Variants in YTHDF1 observed in about 807,000 individuals in gnomAD.
The protein encoded by YTHDF1 is YTH domain-containing family protein 1.
In YTHDF1, 16 loss-of-function variants were observed where a neutral mutation model predicts 49.1. That is an observed-to-expected ratio of 0.33 (90% CI 0.22 to 0.49). YTHDF1 has a LOEUF of 0.49. Among genes scored for constraint, YTHDF1 ranks in the 20% least tolerant of loss-of-function variants. The probability of loss-of-function intolerance (pLI) is 0.99; values close to 1 mark genes in which losing one functional copy is unlikely to be tolerated. For missense variants in YTHDF1, 621 were observed against 744.3 expected (o/e 0.83, Z 1.93); for synonymous variants, 313 against 290.1 (o/e 1.08, Z -0.80).
In YTHDF1 at chr20:63,202,590, G is replaced by A. The variant is rs746445691; in HGVS notation, c.1350C>T (p.Ala450=). 8 of 1,614,092 alleles carry A rather than the reference G, an allele frequency of 5.0e-6. No individual in the cohort carries two copies. The East Asian group carries it at 6.7e-5, about 13-fold the overall frequency. ...CGTAGTCCACGGGGGACTTCATCTC[G>A]GCCACCCCACAAAAATGCCCACTCC... ...VNGSGHFCGV[A]EMKSPVDYGT... Residue 450 remains alanine, a synonymous_variant, in exon 4 of 5, where the codon GCC becomes GCT. Coordinates refer to ENST00000370339, the MANE Select transcript of YTHDF1 (RefSeq NM_017798.4).
Position 63,215,908 on chromosome 20 carries a change from A to C in YTHDF1, c.-16T>G. 7.1e-7 allele frequency: 1 copy of C among 1,404,826 alleles called. No individual in the cohort carries two copies. The highest frequency in any genetic ancestry group is 9.3e-7 in the Non-Finnish European group (1 of 1,074,536). 87.0% of individuals were successfully genotyped at this position (1,404,826 alleles called of 1,614,324 possible). A position where few individuals can be genotyped will look rare whatever the true frequency, so the allele number is the denominator to read the frequency against. On this transcript the variant is annotated 5_prime_UTR_variant, in exon 1 of 5. Coordinates refer to ENST00000370339, the MANE Select transcript of YTHDF1 (RefSeq NM_017798.4). ...TGGCCGACATGCTTCATGAACAACTAGACGCGGGGCCGGGGCGCCCGCCGG... is the reference window on the plus strand; with the variant it reads ...TGGCCGACATGCTTCATGAACAACTCGACGCGGGGCCGGGGCGCCCGCCGG...
chr20:63,204,908 T>A (rs2066538571), intron 3 of YTHDF1, among the ~76,000 whole-genome samples: 1 of 151,948 alleles, frequency 6.6e-6, no homozygotes, highest in African/African-American at 2.4e-5. Flanking sequence ...TGTATGTGTG[T>A]GCGCACACAC....
chr20:63,197,632 T>C (rs892692112), intron 4 of YTHDF1, among the ~76,000 whole-genome samples: 2 of 152,084 alleles, frequency 1.3e-5, no homozygotes, highest in African/African-American at 4.8e-5. Context: ...TAATCCCAGC[T>C]ATTCGGGAGG....
At chr20:63,209,406 T>G (rs2066563390) in intron 3 of YTHDF1, among the ~76,000 whole-genome samples, 1 of 152,268 alleles carries the variant, frequency 6.6e-6, no homozygotes, top group South Asian at 2.1e-4. Flanking sequence ...AAAAATTTTT[T>G]TTGTTATATC....
rs781114191 is a variant in YTHDF1 at position 63,203,059 on chromosome 20, G to A, written c.881C>T (p.Ala294Val). 26 of 1,605,852 alleles carry A rather than the reference G, an allele frequency of 1.6e-5. No homozygotes were observed. Among genetic ancestry groups the A allele is most frequent in the Non-Finnish European group, 2.1e-5 (25 of 1,175,182 alleles). The change falls in exon 4 of 5, where the codon GCT becomes GTT. Residue 294 changes from alanine (A) to valine (V), a missense_variant. Transcript: ENST00000370339. This position sits in a 1 kb window ranked among gnomAD's most constrained non-coding sequence, Gnocchi z 4.4. ...PVPQQAPSPQ[A>V]APQPQQVAQP... is the part of the protein sequence containing the mutation. ...AGCCACCTGCTGGGGCTGTGGGGCA[G>A]CCTGTGGAGAGGGTGCCTGCTGGGG...
chr20:63,200,431 G>A (rs1278440575), intron 4 of YTHDF1, among the ~76,000 whole-genome samples: 3 of 152,062 alleles, frequency 2.0e-5, no homozygotes, highest in Non-Finnish European at 2.9e-5. Context: ...TCAATAAAAT[G>A]AATTAATGTT....
intron 1 of YTHDF1, 122 bp downstream of exon 1, chr20:63,215,744 A>AGACCCCGGTCCCGC: frequency 7.3e-7 from 1 of 1,375,116 alleles, no homozygotes; most frequent in Non-Finnish European, 9.4e-7. Context: ...CCCGGCCCCG[A>AGACCCCGGTCCCGC]GACCCCGGTC....
At position 63,203,209 on chromosome 20, in the gene YTHDF1, G is replaced by A; in HGVS notation, c.731C>T (p.Pro244Leu). The A allele has an allele frequency of 6.2e-7, 1 of 1,614,036 alleles. No individual in the cohort carries two copies. The highest frequency in any genetic ancestry group is 8.5e-7 in the Non-Finnish European group (1 of 1,180,038). Residue 244 changes from proline to leucine, a missense_variant, in exon 4 of 5, where the codon CCA becomes CTA. Pro to Leu is a moderately conservative substitution (Grantham distance 98). Transcript: ENST00000370339. The surrounding 1 kb of genome is among the most constrained non-coding windows in gnomAD (Gnocchi z 4.4). ...WAAIASKPAKPQPKMKTKSGP... is the reference protein window; with the variant it reads ...WAAIASKPAKLQPKMKTKSGP... ...GCTCTTTGTTTTCATTTTAGGCTGT[G>A]GTTTTGCAGGCTTGCTGGCAATGGC... is the stretch of plus-strand genomic sequence containing the variant.
intron 3 of YTHDF1, 115 bp downstream of exon 3, chr20:63,213,749 T>A: frequency 2.1e-6 from 2 of 937,036 alleles, no homozygotes; most frequent in African/African-American, 1.7e-5. Flanking sequence ...TTCCTAATAC[T>A]TTATAGTCTG....
chr20:63,214,756 G>A (rs1373141972), intron 2 of YTHDF1, among the ~76,000 whole-genome samples: 1 of 152,148 alleles, frequency 6.6e-6, no homozygotes, highest in African/African-American at 2.4e-5. Context: ...TCTGTCCTTT[G>A]TCCACCAGGA....
At chr20:63,205,509 C>T (rs2066541455) in intron 3 of YTHDF1, among the ~76,000 whole-genome samples, 1 of 136,572 alleles carries the variant, frequency 7.3e-6, no homozygotes, top group South Asian at 2.5e-4. Flanking sequence ...AATTCCAGAA[C>T]CCCCCCCTTT....
intron 4 of YTHDF1, among the ~76,000 whole-genome samples, chr20:63,199,786 C>A (rs1292733383): frequency 6.6e-6 from 1 of 152,164 alleles, no homozygotes; most frequent in East Asian, 1.9e-4. Context: ...ACGCCGGGCA[C>A]AGTGGCTCAT....
At chr20:63,212,254 G>A (rs1481829054) in intron 3 of YTHDF1, among the ~76,000 whole-genome samples, 2 of 152,252 alleles carry the variant, frequency 1.3e-5, no homozygotes, top group Admixed American at 6.5e-5. Flanking sequence ...GGAGCGCGGG[G>A]CAGCGCTGCC....
intron 3 of YTHDF1, among the ~76,000 whole-genome samples, chr20:63,213,005 G>C (rs564013809): frequency 1.1e-4 from 16 of 152,202 alleles, no homozygotes; most frequent in Non-Finnish European, 2.4e-4. Context: ...CTGTCTCAGC[G>C]CTTTATGTGC....
chr20:63,215,182 G>C (rs538505769), intron 2 of YTHDF1, among the ~76,000 whole-genome samples: 1 of 152,286 alleles, frequency 6.6e-6, no homozygotes, highest in South Asian at 2.1e-4. Context: ...TTGGAAAACG[G>C]GCTGCAACTA....
chr20:63,202,204 T>A, intron 4 of YTHDF1, 83 bp downstream of exon 4: 1 of 1,510,208 alleles, frequency 6.6e-7, no homozygotes, highest in Non-Finnish European at 8.9e-7. Flanking sequence ...ACCTGCCGCA[T>A]CTGCTCACCA....
chr20:63,205,033 C>T (rs1212669977), intron 3 of YTHDF1, among the ~76,000 whole-genome samples: 1 of 152,036 alleles, frequency 6.6e-6, no homozygotes, highest in Non-Finnish European at 1.5e-5. Context: ...GGAAGTAAAA[C>T]ACGGGGCTCT....
intron 3 of YTHDF1, 89 bp downstream of exon 3, chr20:63,213,775 G>A: frequency 2.5e-6 from 3 of 1,202,250 alleles, no homozygotes; most frequent in East Asian, 2.5e-5. Flanking sequence ...TTGTTGTTTA[G>A]GATAATTTAA....
chr20:63,213,998 G>T, intron 2 of YTHDF1, 55 bp from the exon 3 acceptor site: 1 of 1,544,832 alleles, frequency 6.5e-7, no homozygotes. Flanking sequence ...TTACTTTTAA[G>T]CTTGGAAGGC....
Sources: allele counts gnomAD v4.1 joint callset (sites outside exome capture counted in the v4.1 genomes callset), GRCh38; gene constraint gnomAD v4.1.1; non-coding constraint Gnocchi (gnomAD v3.1); transcripts MANE v1.5; gene names NCBI Gene and HGNC (gene_info 2026-07-23, HGNC 2026-07-21).